The following SBF1 variants were observed in gnomAD, a reference collection of about 807,000 sequenced individuals.
SBF1 encodes the protein myotubularin-related protein 5.
A neutral mutation model predicts 215.8 loss-of-function variants in SBF1; 65 were observed. That is an observed-to-expected ratio of 0.30 (90% CI 0.25 to 0.37). The LOEUF (loss-of-function observed/expected upper bound fraction) is 0.37. Among genes scored for constraint, SBF1 ranks in the 10% least tolerant of loss-of-function variants. SBF1 has a pLI of 1.00. For synonymous variants in SBF1, 1,410 were observed against 1,122.8 expected, an observed-to-expected ratio of 1.26 and a Z score of -5.11; for missense variants, 2,634 against 2,667.8, an observed-to-expected ratio of 0.99 and a Z score of 0.28.
In SBF1 at chr22:50,464,539, G is replaced by A. The variant is rs927028030; in HGVS notation, c.1631C>T (p.Pro544Leu). 7.5e-6 allele frequency: 12 copies of A among 1,609,734 alleles called. No individual in the cohort carries two copies. Among genetic ancestry groups the A allele is most frequent in the African/African-American group, 2.7e-5 (2 of 74,898 alleles). The change falls in exon 14 of 41, where the codon CCC (proline) becomes CTC (leucine). Residue 544 changes from proline (P) to leucine (L), a missense_variant. By Grantham distance (98) the Pro-to-Leu change is moderately conservative (BLOSUM62 -3). Transcript: ENST00000380817. ...TCCCCTCCCTCATTACGCACTCATGGGGGGCCCTGAGGGCACGGTGGTCCT... is the reference window on the plus strand; with the variant it reads ...TCCCCTCCCTCATTACGCACTCATGAGGGGCCCTGAGGGCACGGTGGTCCT... ...ERRTTVPSGP[P>L]MTAILERCSG...
intron 36 of SBF1, among the ~76,000 whole-genome samples, chr22:50,452,263 A>G (rs1363601266): frequency 6.6e-6 from 1 of 152,184 alleles, no homozygotes; most frequent in Non-Finnish European, 1.5e-5. Flanking sequence ...GGGATTTGTG[A>G]CTGGCAGCTC....
intron 37 of SBF1, 41 bp from the exon 38 acceptor site, chr22:50,448,485 A>G: frequency 6.2e-7 from 1 of 1,608,510 alleles, no homozygotes; most frequent in Non-Finnish European, 8.5e-7. Flanking sequence ...GGCTGGACAG[A>G]CTCCACTTTC....
chr22:50,466,321 A>G, intron 7 of SBF1, 29 bp downstream of exon 7: 1 of 1,584,810 alleles, frequency 6.3e-7, no homozygotes, highest in Non-Finnish European at 8.6e-7. Flanking sequence ...GGCCAGGAGA[A>G]GGGGCTGGGA....
intron 36 of SBF1, among the ~76,000 whole-genome samples, chr22:50,451,072 G>A (rs979938668): frequency 1.5e-4 from 23 of 148,968 alleles, no homozygotes; most frequent in Admixed American, 1.2e-3. Context: ...GCTCATGCCT[G>A]TAATCCCAGC....
At chr22:50,472,592 G>A (rs79438937) in intron 1 of SBF1, among the ~76,000 whole-genome samples, 3 of 152,154 alleles carry the variant, frequency 2.0e-5, no homozygotes, top group Admixed American at 6.5e-5. Context: ...GCATCCTCAC[G>A]GCAGCCTGGG....
Position 50,460,168 on chromosome 22 carries a change from G to A in SBF1, c.3284-9C>T, listed in dbSNP as rs1486837034. 5.0e-6 allele frequency: 8 copies of A among 1,610,122 alleles called. No individual in the cohort carries two copies. The highest frequency in any genetic ancestry group is 6.8e-6 in the Non-Finnish European group (8 of 1,179,712). On this transcript the variant is annotated splice_polypyrimidine_tract_variant and intron_variant, in intron 25 of 40. Coordinates refer to ENST00000380817, the MANE Select transcript of SBF1 (RefSeq NM_002972.4). Reference sequence around the variant, plus strand: ...CTCCAGCTCCTCCGACACTGCACAGGCCGGGCACACGTGGTCATCACGGGG... The same window carrying A: ...CTCCAGCTCCTCCGACACTGCACAGACCGGGCACACGTGGTCATCACGGGG...
rs765267601 is a variant in SBF1, at chr22:50,448,386, A to G, written c.5210T>C (p.Val1737Ala). Residue 1737 changes from valine (V) to alanine (A), a missense_variant, in exon 38 of 41, where the codon GTG becomes GCG. Transcript: ENST00000380817. ...TAPHHRRSLG[V>A]YLQEGPVGST... ...GCCCACGGGCCCCTCCTGCAGGTAC[A>G]CACCCAGCGAGCGACGGTGGTGGGG... 6.2e-7 allele frequency: 1 copy of G among 1,613,916 alleles called. No individual in the cohort carries two copies.
Position 50,455,529 on chromosome 22 carries a change from G to T in SBF1, c.4320C>A (p.Gly1440=). Reference sequence around the variant, plus strand: ...CCTCCAGGCCCACCAGCACGGAGGAGCCTGAATCCAGGAGCTCCACCACCA... The same window carrying T: ...CCTCCAGGCCCACCAGCACGGAGGATCCTGAATCCAGGAGCTCCACCACCA... ...SVLVVELLDS[G]SSVLVGLEDG... Residue 1440 remains glycine (G), a synonymous_variant, in exon 32 of 41, where the codon GGC becomes GGA. Coordinates refer to ENST00000380817, the MANE Select transcript of SBF1 (RefSeq NM_002972.4). 1 of 1,600,996 alleles carries T rather than the reference G, an allele frequency of 6.2e-7. No homozygotes were observed. Among genetic ancestry groups the T allele is most frequent in the South Asian group, 1.1e-5 (1 of 89,494 alleles).
In SBF1 at chr22:50,462,430, A is replaced by G. The variant is rs746613122; in HGVS notation, c.2171T>C (p.Leu724Pro). The G allele has an allele frequency of 1.2e-6, 2 of 1,613,990 alleles. No individual in the cohort carries two copies. Among genetic ancestry groups the G allele is most frequent in the Non-Finnish European group, 8.5e-7 (1 of 1,179,988 alleles). ...APSQEDERSA[L>P]DVASEQRRLW... ...GCGCCGCTGCTCAGAAGCCACGTCTAGGGCAGAGCGCTCGTCCTCCTGGGA... is the reference window on the plus strand; with the variant it reads ...GCGCCGCTGCTCAGAAGCCACGTCTGGGGCAGAGCGCTCGTCCTCCTGGGA... The change falls in exon 19 of 41, where the codon CTA becomes CCA. Residue 724 changes from leucine (L) to proline (P), a missense_variant. Physicochemically the swap from Leu to Pro is moderately conservative, Grantham distance 98 (BLOSUM62 -3). Coordinates refer to ENST00000380817, the MANE Select transcript of SBF1 (RefSeq NM_002972.4).
At position 50,464,681 on chromosome 22, in the gene SBF1, G is replaced by C. The variant is rs766253537; in HGVS notation, c.1489C>G (p.His497Asp). ...AAGGGTCGGGGCACCCGTCGCAGGT[G>C]GCTGCTCTCACCGGGCCTCTGTACC... Reference protein sequence around the residue: ...HKVQRPGESSHLRRVPRPFPR... With the variant: ...HKVQRPGESSDLRRVPRPFPR... The change falls in exon 14 of 41, where the codon CAC becomes GAC. Residue 497 changes from histidine (H) to aspartate (D), a missense_variant. His to Asp is a moderately conservative substitution (Grantham distance 81, BLOSUM62 -1). Coordinates refer to ENST00000380817, the MANE Select transcript of SBF1 (RefSeq NM_002972.4). The C allele has an allele frequency of 6.2e-7, 1 of 1,607,806 alleles. No individual in the cohort carries two copies. Among genetic ancestry groups the C allele is most frequent in the Admixed American group, 1.7e-5 (1 of 59,954 alleles).
chr22:50,457,440 C>T (rs1451757152), intron 28 of SBF1: 5 of 297,840 alleles, frequency 1.7e-5, no homozygotes, highest in Non-Finnish European at 3.1e-5. Context: ...ACATCCTGGC[C>T]CTTTGTCCTC....
At chr22:50,461,447 G>A (rs1469288587) in intron 22 of SBF1, 76 bp downstream of exon 22, 20 of 1,508,126 alleles carry the variant, frequency 1.3e-5, no homozygotes, top group South Asian at 2.5e-5. Context: ...AAAGGGAGAG[G>A]GAGGCAGGGA....
Position 50,447,394 on chromosome 22 carries a change from C to T in SBF1, c.5511G>A (p.Glu1837=), listed in dbSNP as rs772121218. 1 of 1,614,048 alleles carries T rather than the reference C, an allele frequency of 6.2e-7. No homozygotes were observed. The highest frequency in any genetic ancestry group is 1.1e-5 in the South Asian group (1 of 91,086). ...TECKGVIDLA[E]VEAVAPGTPT... ...GCGTGCCAGGTGCCACAGCCTCCACCTCCGCCAAGTCGATGACACCCTTGC... is the reference window on the plus strand; with the variant it reads ...GCGTGCCAGGTGCCACAGCCTCCACTTCCGCCAAGTCGATGACACCCTTGC... Residue 1837 remains glutamate (E), a synonymous_variant, in exon 40 of 41, where the codon GAG becomes GAA. Coordinates refer to ENST00000380817, the MANE Select transcript of SBF1 (RefSeq NM_002972.4).
intron 1 of SBF1, among the ~76,000 whole-genome samples, chr22:50,473,449 G>A (rs2068062896): frequency 1.3e-5 from 2 of 152,148 alleles, no homozygotes; most frequent in South Asian, 2.1e-4. Flanking sequence ...TGAGGACTAT[G>A]TGGTCCTAGC....
At chr22:50,460,794 C>A in intron 23 of SBF1, 82 bp from the exon 24 acceptor site, 1 of 1,423,514 alleles carries the variant, frequency 7.0e-7, no homozygotes, top group Non-Finnish European at 9.7e-7. Context: ...GGCTCCCCTT[C>A]CCCTCGCAGC....
At chr22:50,463,163 G>A (rs1172758801) in intron 16 of SBF1, 120 bp downstream of exon 16, 1 of 1,367,520 alleles carries the variant, frequency 7.3e-7, no homozygotes, top group Non-Finnish European at 1.0e-6. Context: ...GAGGACCCCT[G>A]CCCACTGGCA....
chr22:50,454,282 C>T (rs960634685), intron 36 of SBF1, among the ~76,000 whole-genome samples: 2 of 152,148 alleles, frequency 1.3e-5, no homozygotes, highest in Admixed American at 1.3e-4. Flanking sequence ...GATGACGGCC[C>T]TCCTGTCACT....
At chr22:50,456,441 G>GC (rs1184646544) in intron 30 of SBF1, 46 bp from the exon 31 acceptor site, 1 of 1,577,806 alleles carries the variant, frequency 6.3e-7, no homozygotes, top group African/African-American at 1.3e-5. Context: ...GAGGCCCCAA[G>GC]CCCCCTGCCG....
chr22:50,471,521 C>A (rs74943176), intron 1 of SBF1, among the ~76,000 whole-genome samples: 1 of 152,170 alleles, frequency 6.6e-6, no homozygotes, highest in Non-Finnish European at 1.5e-5. Context: ...CCAGCCCTGG[C>A]CGGCTCTGCT....
Sources: gnomAD v4.1 joint callset for allele counts (sites outside exome capture counted in the v4.1 genomes callset) on GRCh38, gnomAD v4.1.1 for gene constraint, MANE v1.5 for transcripts, NCBI Gene and HGNC (gene_info 2026-07-23, HGNC 2026-07-21) for gene names.